The following COLGALT2 variants were observed in gnomAD, a reference collection of about 807,000 sequenced individuals.
COLGALT2 encodes procollagen galactosyltransferase 2.
COLGALT2 carries 49 observed loss-of-function variants against 73.4 expected under a neutral mutation model. The observed-to-expected ratio is 0.67, with a 90% CI of 0.53 to 0.85. The LOEUF is 0.85. COLGALT2 is among the 40% of genes least tolerant of loss of function. The pLI is 0.00. For synonymous variants in COLGALT2, 295 were observed against 307.6 expected (o/e 0.96, Z 0.43); for missense variants, 722 against 790.2 (o/e 0.91, Z 1.03).
intron 6 of COLGALT2, among the ~76,000 whole-genome samples, chr1:183,961,686 T>C (rs1331459108): frequency 6.6e-6 from 1 of 152,236 alleles, no homozygotes; most frequent in Admixed American, 6.5e-5. Context: ...TTGGGTTCAG[T>C]GCCCTTGTCA....
At position 183,951,061 on chromosome 1, in the gene COLGALT2, C is replaced by A; in HGVS notation, c.1082G>T (p.Arg361Leu). 11 of 1,613,880 alleles carry A rather than the reference C, an allele frequency of 6.8e-6. No homozygotes were observed. Among genetic ancestry groups the A allele is most frequent in the South Asian group, 2.2e-5 (2 of 91,044 alleles). ...CTCAATCTCCTGTTCATACAGTGTG[C>A]GCAGCATCCGGTCCCGCCTGTCCTT... ...RRKDRRDRMLRTLYEQEIEVK... is the reference protein window; with the variant it reads ...RRKDRRDRMLLTLYEQEIEVK... Residue 361 changes from arginine (R) to leucine (L), a missense_variant, in exon 8 of 12, where the codon CGC becomes CTC. Transcript: ENST00000361927.
At chr1:184,006,626 A>AAG in intron 1 of COLGALT2, among the ~76,000 whole-genome samples, 1 of 136,650 alleles carries the variant, frequency 7.3e-6, no homozygotes, top group Non-Finnish European at 1.6e-5. Context: ...ATAATAATAA[A>AAG]AAGATTATGA....
At chr1:183,999,409 T>C (rs1360786178) in intron 1 of COLGALT2, among the ~76,000 whole-genome samples, 2 of 152,130 alleles carry the variant, frequency 1.3e-5, no homozygotes, top group Non-Finnish European at 2.9e-5. Context: ...TAAAATTAGG[T>C]AGTATTTTCT....
Position 183,938,253 on chromosome 1 carries a change from A to G in COLGALT2, c.*508T>C. ...TAAGACTTGTGACAGAATCCTTTAA[A>G]TAAAAAGCCAAATAAATATGATTTT... On this transcript the variant is annotated 3_prime_UTR_variant, in exon 12 of 12. Transcript: ENST00000361927. 2.0e-6 allele frequency: 2 copies of G among 985,512 alleles called. No individual in the cohort carries two copies. Among genetic ancestry groups the G allele is most frequent in the Non-Finnish European group, 2.4e-6 (2 of 830,482 alleles). The allele number at this position is 985,512 out of a possible 1,614,324, so 61.0% of individuals were successfully genotyped here. A position where few individuals can be genotyped will look rare whatever the true frequency, so the allele number is the denominator to read the frequency against.
At chr1:183,940,826 C>G (rs773570331) in intron 10 of COLGALT2, 39 bp from the exon 11 acceptor site, 1 of 1,535,098 alleles carries the variant, frequency 6.5e-7, no homozygotes, top group Non-Finnish European at 9.0e-7. Context: ...TCCACCTTGA[C>G]TATTATGCCA....
intron 1 of COLGALT2, among the ~76,000 whole-genome samples, chr1:183,999,167 G>A (rs1357539682): frequency 1.3e-5 from 2 of 152,024 alleles, no homozygotes; most frequent in South Asian, 2.1e-4. Flanking sequence ...CTTGGTGAGA[G>A]TTTTGTTTCG....
chr1:183,962,127 GTTTTCTTTTC>G (rs1376887394), intron 6 of COLGALT2, among the ~76,000 whole-genome samples: 2 of 121,732 alleles, frequency 1.6e-5, no homozygotes, highest in African/African-American at 3.2e-5. Flanking sequence ...CATGGTCTCT[GTTTTCTTTTC>G]TTTTCTTTTT....
chr1:184,030,244 A>G (rs1220733323), intron 1 of COLGALT2, among the ~76,000 whole-genome samples: 2 of 152,220 alleles, frequency 1.3e-5, no homozygotes, highest in Non-Finnish European at 2.9e-5. Flanking sequence ...AATTAAATGA[A>G]CAAGTCACTC....
chr1:184,029,688 T>A (rs1044920229), intron 1 of COLGALT2, among the ~76,000 whole-genome samples: 1 of 152,370 alleles, frequency 6.6e-6, no homozygotes, highest in East Asian at 1.9e-4. Context: ...GGATAAATAT[T>A]ACACCTCATC....
exon 12 of COLGALT2, chr1:183,929,892 C>A (rs974803211): frequency 5.5e-6 from 1 of 182,904 alleles, no homozygotes; most frequent in East Asian, 1.6e-4. Context: ...TTTTCTTTCA[C>A]GGGACAGTGT....
At chr1:183,941,590 C>T (rs1002374064) in intron 10 of COLGALT2, among the ~76,000 whole-genome samples, 2 of 152,218 alleles carry the variant, frequency 1.3e-5, no homozygotes, top group African/African-American at 4.8e-5. Flanking sequence ...TTCTTGCCTG[C>T]CAGGTAAAGC....
intron 2 of COLGALT2, 91 bp from the exon 3 acceptor site, chr1:183,975,305 T>C: frequency 1.4e-6 from 1 of 717,676 alleles, no homozygotes; most frequent in Non-Finnish European, 2.3e-6. Context: ...TAATCTTCTA[T>C]CAATCCCAGG....
chr1:184,004,655 AG>A (rs1312021448), intron 1 of COLGALT2, among the ~76,000 whole-genome samples: 13 of 152,218 alleles, frequency 8.5e-5, no homozygotes, highest in African/African-American at 2.9e-4. Flanking sequence ...AAACATCCTG[AG>A]GGACAATGGC....
chr1:183,951,677 C>T (rs2102796608), intron 7 of COLGALT2, among the ~76,000 whole-genome samples: 1 of 151,980 alleles, frequency 6.6e-6, no homozygotes, highest in South Asian at 2.1e-4. Flanking sequence ...AACTATAAAA[C>T]ACTGATGGAA....
chr1:184,031,927 C>T (rs984369865), intron 1 of COLGALT2, among the ~76,000 whole-genome samples: 6 of 151,450 alleles, frequency 4.0e-5, no homozygotes. Flanking sequence ...GACAGGGTCT[C>T]GCTGTGTTGC....
At chr1:183,944,120 G>A (rs923067106) in intron 10 of COLGALT2, 76 bp downstream of exon 10, 19 of 1,462,708 alleles carry the variant, frequency 1.3e-5, no homozygotes, top group Non-Finnish European at 1.5e-5. Flanking sequence ...ACTGGCTGTG[G>A]AGGTGGGGCT....
At chr1:183,987,190 T>C (rs1572658958) in intron 1 of COLGALT2, among the ~76,000 whole-genome samples, 1 of 152,184 alleles carries the variant, frequency 6.6e-6, no homozygotes, top group Non-Finnish European at 1.5e-5. Flanking sequence ...ACAAGACAAA[T>C]ATGTTTCTCA....
At chr1:184,009,297 C>T (rs972508296) in intron 1 of COLGALT2, among the ~76,000 whole-genome samples, 1 of 152,184 alleles carries the variant, frequency 6.6e-6, no homozygotes. Context: ...GTTTCAACAT[C>T]CTGAAATTGC....
chr1:183,950,046 AT>A (rs1670354008), intron 8 of COLGALT2, among the ~76,000 whole-genome samples: 1 of 152,210 alleles, frequency 6.6e-6, no homozygotes, highest in East Asian at 1.9e-4. Context: ...TAAATAATGG[AT>A]AATTTTTTAG....
Sources: allele counts gnomAD v4.1 joint callset (sites outside exome capture counted in the v4.1 genomes callset), GRCh38; gene constraint gnomAD v4.1.1; transcripts MANE v1.5; gene names NCBI Gene and HGNC (gene_info 2026-07-23, HGNC 2026-07-21).